Variants in ALK observed in about 807,000 individuals in gnomAD.
ALK encodes ALK receptor tyrosine kinase, also known as ALK tyrosine kinase receptor.
ALK carries 74 observed loss-of-function variants against 163.1 expected under a neutral mutation model. That is an observed-to-expected ratio of 0.45 (90% CI 0.38 to 0.55). The LOEUF is 0.55. ALK is among the 20% of genes least tolerant of loss of function. The probability of loss-of-function intolerance (pLI) is 0.00; values close to 1 mark genes in which losing one functional copy is unlikely to be tolerated. For missense variants in ALK, 2,063 were observed against 2,105.3 expected (o/e 0.98, Z 0.39); for synonymous variants, 960 against 843.2 (o/e 1.14, Z -2.40).
At chr2:29,226,219 C>G (rs1663987540) in intron 18 of ALK, among the ~76,000 whole-genome samples, 1 of 151,988 alleles carries the variant, frequency 6.6e-6, no homozygotes, top group Non-Finnish European at 1.5e-5. Context: ...TGGCTCACAC[C>G]TGTAATCCCA....
intron 1 of ALK, among the ~76,000 whole-genome samples, chr2:29,758,000 A>C (rs1472895753): frequency 1.4e-5 from 2 of 139,580 alleles, no homozygotes; most frequent in African/African-American, 2.8e-5. Context: ...CCTTACCCGC[A>C]TCCTCTTTTT....
intron 1 of ALK, among the ~76,000 whole-genome samples, chr2:29,908,744 T>C (rs1667618866): frequency 6.6e-6 from 1 of 152,216 alleles, no homozygotes; most frequent in African/African-American, 2.4e-5. Context: ...GAAACTCTCC[T>C]TAATCACCCC....
intron 1 of ALK, among the ~76,000 whole-genome samples, chr2:29,845,538 G>A (rs953181134): frequency 5.3e-5 from 8 of 152,046 alleles, no homozygotes; most frequent in Non-Finnish European, 1.0e-4. Context: ...AGGTTCAAGC[G>A]ATTCTCCTGC....
intron 4 of ALK, among the ~76,000 whole-genome samples, chr2:29,396,691 A>C (rs970309010): frequency 1.3e-5 from 2 of 151,824 alleles, no homozygotes; most frequent in African/African-American, 4.8e-5. Context: ...AAAAACAAAA[A>C]CAAACAAAAA....
intron 1 of ALK, among the ~76,000 whole-genome samples, chr2:29,739,943 T>C (rs72851971): frequency 0.039 from 6,005 of 152,160 alleles, 469 homozygotes; most frequent in African/African-American, 0.14. Context: ...GAAATGTGGA[T>C]AAAATGCCAA....
intron 3 of ALK, among the ~76,000 whole-genome samples, chr2:29,636,127 A>G (rs1025356971): frequency 1.3e-5 from 2 of 152,232 alleles, no homozygotes; most frequent in Non-Finnish European, 1.5e-5. Context: ...AAGATACTAT[A>G]TAGCTACAGT....
At chr2:29,675,557 G>A (rs2148274320) in intron 3 of ALK, among the ~76,000 whole-genome samples, 1 of 152,094 alleles carries the variant, frequency 6.6e-6, no homozygotes, top group East Asian at 1.9e-4. Context: ...AGGATAGGAT[G>A]GCCCAGGGGA....
intron 5 of ALK, among the ~76,000 whole-genome samples, chr2:29,381,774 G>A (rs1044476057): frequency 1.3e-5 from 2 of 152,004 alleles, no homozygotes; most frequent in African/African-American, 2.4e-5. Context: ...TGCCTACATC[G>A]AATAGACATT....
At chr2:29,740,435 T>G (rs1170916046) in intron 1 of ALK, among the ~76,000 whole-genome samples, 1 of 152,140 alleles carries the variant, frequency 6.6e-6, no homozygotes, top group Non-Finnish European at 1.5e-5. Flanking sequence ...GAGGGACAGT[T>G]AGACAAAGGG....
Position 29,227,833 on chromosome 2 carries a change from G to A in ALK, c.2816-161C>T, listed in dbSNP as rs1330729659. ...AGGGAAGGGAGGCTCAGGGCACAGA[G>A]GCTGCATGTGGGATTTGGCTCAGTA... On this transcript the variant is annotated intron_variant, in intron 16 of 28. Coordinates refer to ENST00000389048, the MANE Select transcript of ALK (RefSeq NM_004304.5). This position sits in a 1 kb window ranked among gnomAD's most constrained non-coding sequence, Gnocchi z 4.4. Among the ~76,000 whole-genome samples the A allele has an allele frequency of 6.6e-6, 1 of 152,136 alleles. No homozygotes were observed. The highest frequency in any genetic ancestry group is 6.5e-5 in the Admixed American group (1 of 15,274).
intron 1 of ALK, among the ~76,000 whole-genome samples, chr2:29,741,115 T>C (rs1558467856): frequency 1.3e-5 from 2 of 152,188 alleles, no homozygotes; most frequent in Non-Finnish European, 2.9e-5. Context: ...GACTATAGAC[T>C]GTATAATTCC....
intron 3 of ALK, among the ~76,000 whole-genome samples, chr2:29,636,210 A>T (rs1160238290): frequency 1.3e-5 from 2 of 152,180 alleles, no homozygotes; most frequent in Non-Finnish European, 2.9e-5. Context: ...ACAGAAACAG[A>T]CACATACAAA....
Position 29,227,025 on chromosome 2 carries a change from A to T in ALK, c.2964T>A (p.Ser988Arg), listed in dbSNP as rs2148178595. The stretch of plus-strand genomic sequence containing the variant: ...TGTGACATTCGTCTACCTCACAGTG[A>T]CTGCAGTTTAGATAATGCTTAATAT... The part of the protein sequence containing the change: ...EVNIKHYLNC[S>R]HCEVDECHMD... Residue 988 changes from serine (S) to arginine (R), a missense_variant, in exon 18 of 29, where the codon AGT (serine) becomes AGA (arginine). Coordinates refer to ENST00000389048, the MANE Select transcript of ALK (RefSeq NM_004304.5). The surrounding 1 kb of genome is among the most constrained non-coding windows in gnomAD (Gnocchi z 4.4). 1 of 1,614,090 alleles carries T rather than the reference A, an allele frequency of 6.2e-7. No individual in the cohort carries two copies. Among genetic ancestry groups the T allele is most frequent in the Non-Finnish European group, 8.5e-7 (1 of 1,180,016 alleles).
intron 26 of ALK, 76 bp from the exon 27 acceptor site, chr2:29,197,752 G>A (rs955468883): frequency 5.6e-6 from 7 of 1,250,640 alleles, no homozygotes; most frequent in Non-Finnish European, 8.2e-6. Flanking sequence ...CAGGCACACA[G>A]ACATACAATT....
chr2:29,508,703 A>G (rs1051329380), intron 4 of ALK, among the ~76,000 whole-genome samples: 20 of 150,684 alleles, frequency 1.3e-4, no homozygotes, highest in African/African-American at 4.7e-4. Context: ...TAATAAAAAA[A>G]AAACCCAAAA....
intron 10 of ALK, 38 bp from the exon 11 acceptor site, chr2:29,275,265 G>A (rs1259387432): frequency 4.3e-6 from 7 of 1,613,932 alleles, no homozygotes; most frequent in Middle Eastern, 1.7e-4. Flanking sequence ...AGTTAGGTGA[G>A]GGTTGATTTC....
intron 4 of ALK, among the ~76,000 whole-genome samples, chr2:29,487,531 G>T (rs1671804983): frequency 6.6e-6 from 1 of 152,204 alleles, no homozygotes; most frequent in African/African-American, 2.4e-5. Context: ...ACCTGGGGTA[G>T]TACCCAAAGC....
At chr2:29,292,457 C>T (rs185317481) in intron 9 of ALK, among the ~76,000 whole-genome samples, 1 of 152,240 alleles carries the variant, frequency 6.6e-6, no homozygotes, top group Admixed American at 6.5e-5. Context: ...ACTTGCCTTT[C>T]TTCTATTTTG....
chr2:29,507,030 T>C (rs1183258399), intron 4 of ALK, among the ~76,000 whole-genome samples: 1 of 152,104 alleles, frequency 6.6e-6, no homozygotes, highest in East Asian at 1.9e-4. Context: ...TAGGTATATA[T>C]CCAAGAAAAG....
Sources: gnomAD v4.1 joint callset for allele counts (sites outside exome capture counted in the v4.1 genomes callset) on GRCh38, gnomAD v4.1.1 for gene constraint, Gnocchi (gnomAD v3.1) non-coding constraint, MANE v1.5 for transcripts, NCBI Gene and HGNC (gene_info 2026-07-23, HGNC 2026-07-21) for gene names.